Variants in ADARB2 observed in about 807,000 individuals in gnomAD.
ADARB2 encodes inactive double-stranded RNA-specific editase B2.
A neutral mutation model predicts 62.2 loss-of-function variants in ADARB2; 25 were observed. The ratio of observed to expected loss-of-function variants is 0.40; its 90% CI spans 0.29 to 0.56. ADARB2 has a LOEUF of 0.56. Ranked by LOEUF, ADARB2 falls within the 20% of genes least tolerant of loss-of-function variation. The probability of loss-of-function intolerance (pLI) is 0.43; values close to 1 mark genes in which losing one functional copy is unlikely to be tolerated. For synonymous variants in ADARB2, 572 were observed against 500.8 expected (o/e 1.14, Z -1.90); for missense variants, 1,071 against 1,077.4 (o/e 0.99, Z 0.08).
rs186743084 is a variant in ADARB2, at chr10:1,645,375, C to G, written c.100+91676G>C. 1.4e-4 allele frequency among the ~76,000 whole-genome samples: 22 copies of G among 152,272 alleles called. No individual in the cohort carries two copies. In the East Asian group the frequency reaches 3.9e-3, roughly 27 times the overall value. ...GACCAGGGTAGAGATGCATGCCAGC[C>G]CATCGACCTGGAGCCTGCACAGCTA... On this transcript the variant is annotated intron_variant, in intron 1 of 9. Transcript: ENST00000381312.
chr10:1,690,884 G>A (rs1340961788), intron 1 of ADARB2, among the ~76,000 whole-genome samples: 5 of 152,238 alleles, frequency 3.3e-5, no homozygotes, highest in South Asian at 4.2e-4. Flanking sequence ...GGACCACCGC[G>A]GGTCTCATCA....
chr10:1,538,343 C>T (rs1484316768), intron 1 of ADARB2, among the ~76,000 whole-genome samples: 2 of 152,184 alleles, frequency 1.3e-5, no homozygotes, highest in South Asian at 2.1e-4. Context: ...GGCCAGACTG[C>T]GAAGCCCCTT....
chr10:1,528,657 G>A (rs1014586926), intron 1 of ADARB2, among the ~76,000 whole-genome samples: 18 of 152,206 alleles, frequency 1.2e-4, no homozygotes, highest in Admixed American at 7.9e-4. Context: ...CTGGTTGATG[G>A]CACTCTTGCC....
At chr10:1,290,452 A>G (rs1327848821) in intron 3 of ADARB2, 1 of 152,244 alleles carries the variant, frequency 6.6e-6, no homozygotes, top group Non-Finnish European at 1.5e-5. Flanking sequence ...GGATGAGACA[A>G]TCAGCACAGG....
intron 1 of ADARB2, among the ~76,000 whole-genome samples, chr10:1,647,045 C>T (rs1834051769): frequency 6.6e-6 from 1 of 152,262 alleles, no homozygotes; most frequent in South Asian, 2.1e-4. Context: ...TTGCCACCAA[C>T]ACTCGCACGA....
intron 7 of ADARB2, among the ~76,000 whole-genome samples, chr10:1,211,200 A>G (rs539400304): frequency 4.3e-4 from 65 of 151,674 alleles, no homozygotes; most frequent in African/African-American, 1.5e-3. Flanking sequence ...TCTATCATCT[A>G]TCATTATCAT....
chr10:1,484,859 T>C (rs1221322681), intron 1 of ADARB2, among the ~76,000 whole-genome samples: 1 of 152,180 alleles, frequency 6.6e-6, no homozygotes, highest in Non-Finnish European at 1.5e-5. Flanking sequence ...TGTAGATATG[T>C]ATGTAGGTAC....
intron 4 of ADARB2, among the ~76,000 whole-genome samples, chr10:1,263,865 C>G (rs977655824): frequency 1.3e-5 from 2 of 152,142 alleles, no homozygotes; most frequent in African/African-American, 2.4e-5. Context: ...TCGGGTGGAA[C>G]AAATGTCCAG....
chr10:1,373,688 C>G (rs1174432770), intron 2 of ADARB2, among the ~76,000 whole-genome samples: 1 of 152,184 alleles, frequency 6.6e-6, no homozygotes, highest in Non-Finnish European at 1.5e-5. Context: ...AGCACAGCTC[C>G]CCTGCCCTCT....
chr10:1,647,319 AAGT>A (rs1486150462), intron 1 of ADARB2, among the ~76,000 whole-genome samples: 3 of 152,184 alleles, frequency 2.0e-5, no homozygotes, highest in African/African-American at 7.2e-5. Flanking sequence ...TATGAAAAAA[AAGT>A]GTGTGTGCAT....
intron 1 of ADARB2, among the ~76,000 whole-genome samples, chr10:1,472,268 T>C (rs1287538702): frequency 6.6e-6 from 1 of 152,204 alleles, no homozygotes; most frequent in Admixed American, 6.5e-5. Context: ...CAGCTGACCA[T>C]GCATGAGGGG....
chr10:1,286,946 T>G (rs7098484), intron 3 of ADARB2, among the ~76,000 whole-genome samples: 15,264 of 152,274 alleles, frequency 0.1, 959 homozygotes, highest in South Asian at 0.17. Context: ...ACATAACATT[T>G]TTTTAGAAAA....
At position 1,737,332 on chromosome 10, in the gene ADARB2, G is replaced by A. The variant is rs1835315044; in HGVS notation, c.-182C>T. 1 of 615,850 alleles carries A rather than the reference G, an allele frequency of 1.6e-6. No individual in the cohort carries two copies. The highest frequency in any genetic ancestry group is 2.8e-6 in the Non-Finnish European group (1 of 355,560). The allele number at this position is 615,850 out of a possible 1,614,324, so 38.1% of individuals were successfully genotyped here. Reference sequence around the variant, plus strand: ...CTCTGTCTCTCGAATTGTTCTCTATGACTTGCTCCCACTGGGCTGGGGGCC... The same window carrying A: ...CTCTGTCTCTCGAATTGTTCTCTATAACTTGCTCCCACTGGGCTGGGGGCC... On this transcript the variant is annotated 5_prime_UTR_variant, in exon 1 of 10. Coordinates refer to ENST00000381312, the MANE Select transcript of ADARB2 (RefSeq NM_018702.4).
At chr10:1,385,530 T>C (rs1016285267) in intron 1 of ADARB2, among the ~76,000 whole-genome samples, 1 of 150,732 alleles carries the variant, frequency 6.6e-6, no homozygotes, top group African/African-American at 2.5e-5. Context: ...ACATTGGATA[T>C]GTCACTTTGC....
chr10:1,413,696 G>A (rs1052043037), intron 1 of ADARB2, among the ~76,000 whole-genome samples: 6 of 152,168 alleles, frequency 3.9e-5, no homozygotes, highest in Non-Finnish European at 8.8e-5. Context: ...GTTCTGCCCA[G>A]CGACCTCTCA....
chr10:1,421,867 T>C lies in ADARB2; in HGVS notation c.101-42707A>G, dbSNP rs536712154. Among the ~76,000 whole-genome samples the C allele has an allele frequency of 2.2e-4, 34 of 152,306 alleles. No homozygotes were observed. The South Asian group carries it at 4.6e-3, about 20-fold the overall frequency. ...GGAGAAGGAAGCACATTTTGGATGATTGTATTTGTTCCTTGATGGGTCTGC... is the reference window on the plus strand; with the variant it reads ...GGAGAAGGAAGCACATTTTGGATGACTGTATTTGTTCCTTGATGGGTCTGC... On this transcript the variant is annotated intron_variant, in intron 1 of 9. Coordinates refer to ENST00000381312, the MANE Select transcript of ADARB2 (RefSeq NM_018702.4).
chr10:1,188,528 C>G (rs1263504130), intron 8 of ADARB2, among the ~76,000 whole-genome samples: 1 of 152,066 alleles, frequency 6.6e-6, no homozygotes, highest in Non-Finnish European at 1.5e-5. Flanking sequence ...GGTCTGCTCC[C>G]CTCTGTGTTC....
chr10:1,523,813 C>G (rs993479022), intron 1 of ADARB2, among the ~76,000 whole-genome samples: 27 of 152,190 alleles, frequency 1.8e-4, no homozygotes, highest in African/African-American at 6.3e-4. Context: ...ATTTTCTAAT[C>G]TGTCATCCTT....
chr10:1,709,430 G>A (rs1834926778), intron 1 of ADARB2, among the ~76,000 whole-genome samples: 1 of 152,298 alleles, frequency 6.6e-6, no homozygotes, highest in South Asian at 2.1e-4. Context: ...TAATTTCTTT[G>A]TGAATCTTAT....
Sources: gnomAD v4.1 joint callset for allele counts (sites outside exome capture counted in the v4.1 genomes callset) on GRCh38, gnomAD v4.1.1 for gene constraint, MANE v1.5 for transcripts, NCBI Gene and HGNC (gene_info 2026-07-23, HGNC 2026-07-21) for gene names.